The following PRKCE variants were observed in gnomAD, a reference collection of about 807,000 sequenced individuals.
PRKCE encodes the protein protein kinase C epsilon.
In PRKCE, 16 loss-of-function variants were observed where a neutral mutation model predicts 85.4. The ratio of observed to expected loss-of-function variants is 0.19; its 90% CI spans 0.13 to 0.28. PRKCE has a LOEUF of 0.28. PRKCE is among the 10% of genes least tolerant of loss of function. The pLI, the probability that PRKCE is intolerant of heterozygous loss-of-function variation, is 1.00. For synonymous variants in PRKCE, 388 were observed against 371.5 expected, an observed-to-expected ratio of 1.04 and a Z score of -0.51; for missense variants, 573 against 975.2, an observed-to-expected ratio of 0.59 and a Z score of 5.49.
At chr2:45,887,251 G>A (rs559596838) in intron 2 of PRKCE, among the ~76,000 whole-genome samples, 10 of 152,244 alleles carry the variant, frequency 6.6e-5, no homozygotes, top group East Asian at 5.8e-4. Context: ...ACAGTCAACC[G>A]TGCAGAAGGC....
At chr2:45,917,969 T>C (rs937171060) in intron 2 of PRKCE, among the ~76,000 whole-genome samples, 1 of 151,998 alleles carries the variant, frequency 6.6e-6, no homozygotes, top group Non-Finnish European at 1.5e-5. Context: ...CTGCTCCGAG[T>C]GCGGGGCCCG....
At chr2:45,737,552 G>T (rs1304819753) in intron 1 of PRKCE, among the ~76,000 whole-genome samples, 1 of 151,976 alleles carries the variant, frequency 6.6e-6, no homozygotes, top group Non-Finnish European at 1.5e-5. Flanking sequence ...AGGACCTCTC[G>T]GCTCCTTTTC....
intron 1 of PRKCE, among the ~76,000 whole-genome samples, chr2:45,771,436 G>A (rs1685319452): frequency 6.6e-6 from 1 of 152,154 alleles, no homozygotes; most frequent in African/African-American, 2.4e-5. Flanking sequence ...TCCAGCGGGT[G>A]GAGATGGAGA....
chr2:45,839,282 A>AAAT (rs1691154640), intron 1 of PRKCE, among the ~76,000 whole-genome samples: 1 of 152,196 alleles, frequency 6.6e-6, no homozygotes, highest in Admixed American at 6.5e-5. Context: ...ATAAAGGACA[A>AAAT]AATGGATTCT....
chr2:45,892,946 G>T (rs1052434699), intron 2 of PRKCE, among the ~76,000 whole-genome samples: 19 of 152,150 alleles, frequency 1.2e-4, no homozygotes, highest in Admixed American at 3.3e-4. Flanking sequence ...GCATCTCCAC[G>T]GGGCTCAGGG....
At chr2:45,950,608 G>A (rs1700554146) in intron 2 of PRKCE, among the ~76,000 whole-genome samples, 1 of 152,126 alleles carries the variant, frequency 6.6e-6, no homozygotes. Flanking sequence ...TTTCCCCTGG[G>A]ATTACAAGAT....
At chr2:46,022,141 A>G (rs1706724065) in intron 10 of PRKCE, among the ~76,000 whole-genome samples, 1 of 152,208 alleles carries the variant, frequency 6.6e-6, no homozygotes, top group African/African-American at 2.4e-5. Flanking sequence ...CACAGGATGC[A>G]GTAAAGAAGG....
At chr2:45,715,934 A>T (rs1680049953) in intron 1 of PRKCE, among the ~76,000 whole-genome samples, 1 of 150,902 alleles carries the variant, frequency 6.6e-6, no homozygotes, top group Admixed American at 6.6e-5. Flanking sequence ...GCACCCCTGA[A>T]CTCTCCCTCC....
At chr2:46,083,605 A>ATGTGAAAGGCT (rs1669308527) in intron 10 of PRKCE, among the ~76,000 whole-genome samples, 1 of 152,152 alleles carries the variant, frequency 6.6e-6, no homozygotes, top group Admixed American at 6.5e-5. Context: ...TGTACTTCCC[A>ATGTGAAAGGCT]TGTGAAAGGC....
chr2:45,661,523 G>GTTTTTTTTTTTTTTTT lies in PRKCE; in HGVS notation c.348+9081_348+9082insTTTTTTTTTTTTTTTT, dbSNP rs367628974. On this transcript the variant is annotated intron_variant, in intron 1 of 14. Transcript: ENST00000306156. ...TTTTTTTTGTTTTGTTTTGTTTTTT[G>GTTTTTTTTTTTTTTTT]TTTTTTGTTTTTTTTTTTTTTTTTA... 1.0e-4 allele frequency among the ~76,000 whole-genome samples: 10 copies of GTTTTTTTTTTTTTTTT among 96,652 alleles called. 2 individuals carry two copies. Among genetic ancestry groups the GTTTTTTTTTTTTTTTT allele is most frequent in the Admixed American group, 2.7e-4 (2 of 7,338 alleles). The allele number at this position is 96,652 out of a possible 152,430, so 63.4% of individuals were successfully genotyped here.
intron 14 of PRKCE, among the ~76,000 whole-genome samples, chr2:46,170,058 C>G (rs1228422287): frequency 1.3e-5 from 2 of 152,188 alleles, no homozygotes; most frequent in African/African-American, 4.8e-5. Context: ...GTTTTTTAAT[C>G]AATTGTATTG....
intron 1 of PRKCE, among the ~76,000 whole-genome samples, chr2:45,757,702 T>A (rs371452951): frequency 2.0e-5 from 3 of 152,122 alleles, no homozygotes; most frequent in African/African-American, 7.2e-5. Flanking sequence ...AAAGTGATAA[T>A]TTAGAGATTC....
chr2:45,888,605 C>A (rs939192705), intron 2 of PRKCE, among the ~76,000 whole-genome samples: 1 of 151,826 alleles, frequency 6.6e-6, no homozygotes, highest in Non-Finnish European at 1.5e-5. Flanking sequence ...TGCCTGCCAC[C>A]ATGCCTAGCT....
chr2:45,707,407 T>A (rs910192981), intron 1 of PRKCE, among the ~76,000 whole-genome samples: 1 of 152,242 alleles, frequency 6.6e-6, no homozygotes, highest in Non-Finnish European at 1.5e-5. Flanking sequence ...GAAAGCTTTG[T>A]ACTTCCCAGA....
intron 10 of PRKCE, among the ~76,000 whole-genome samples, chr2:46,065,984 C>T (rs1175526113): frequency 2.6e-5 from 4 of 152,146 alleles, no homozygotes; most frequent in East Asian, 1.9e-4. Flanking sequence ...TATTGGTCCC[C>T]GACCACCCAT....
chr2:46,122,374 G>C (rs1286044176), intron 11 of PRKCE, among the ~76,000 whole-genome samples: 1 of 152,238 alleles, frequency 6.6e-6, no homozygotes, highest in East Asian at 1.9e-4. Flanking sequence ...GGGATTACAG[G>C]TGCATGCCAC....
intron 11 of PRKCE, among the ~76,000 whole-genome samples, chr2:46,097,138 C>T (rs1458078851): frequency 6.6e-6 from 1 of 152,006 alleles, no homozygotes; most frequent in Non-Finnish European, 1.5e-5. Flanking sequence ...CACTTTGGGA[C>T]CCAGGGACAG....
Position 45,652,588 on chromosome 2 carries a change from G to T in PRKCE, c.348+140G>T. On this transcript the variant is annotated intron_variant, in intron 1 of 14. Transcript: ENST00000306156. This position sits in a 1 kb window ranked among gnomAD's most constrained non-coding sequence, Gnocchi z 7.7. ...CTGTAAGTCTCAGTTTCCTTGGGGA[G>T]GTACACTTCACTTCATAGTTGGGGA... 1 of 820,562 alleles carries T rather than the reference G, an allele frequency of 1.2e-6. No individual in the cohort carries two copies. Among genetic ancestry groups the T allele is most frequent in the Non-Finnish European group, 1.9e-6 (1 of 538,068 alleles). The allele number at this position is 820,562 out of a possible 1,614,324, so 50.8% of individuals were successfully genotyped here.
chr2:45,760,989 A>G (rs1356785683), intron 1 of PRKCE, among the ~76,000 whole-genome samples: 1 of 152,026 alleles, frequency 6.6e-6, no homozygotes, highest in Non-Finnish European at 1.5e-5. Flanking sequence ...TGACTTTGAC[A>G]TGTTCTCAAG....
Sources: gnomAD v4.1 joint callset for allele counts (sites outside exome capture counted in the v4.1 genomes callset) on GRCh38, gnomAD v4.1.1 for gene constraint, Gnocchi (gnomAD v3.1) non-coding constraint, MANE v1.5 for transcripts, NCBI Gene and HGNC (gene_info 2026-07-23, HGNC 2026-07-21) for gene names.